KCNQ1: variants seen among roughly 807,000 people sequenced by gnomAD.
The protein encoded by KCNQ1 is potassium voltage-gated channel subfamily KQT member 1.
KCNQ1 carries 49 observed loss-of-function variants against 72.4 expected under a neutral mutation model. That is an observed-to-expected ratio of 0.68 (90% CI 0.54 to 0.86). The LOEUF (loss-of-function observed/expected upper bound fraction) is 0.86. Ranked by LOEUF, KCNQ1 falls within the 40% of genes least tolerant of loss-of-function variation. The pLI is 0.00. For missense variants in KCNQ1, 790 were observed against 945.1 expected, an observed-to-expected ratio of 0.84 and a Z score of 2.15; for synonymous variants, 450 against 412.6, an observed-to-expected ratio of 1.09 and a Z score of -1.10.
At chr11:2,454,207 A>G (rs1222095480) in intron 1 of KCNQ1, among the ~76,000 whole-genome samples, 1 of 151,970 alleles carries the variant, frequency 6.6e-6, no homozygotes, top group African/African-American at 2.4e-5. Context: ...TTAAAAGTTT[A>G]CCTCAAAAGG....
chr11:2,837,914 G>A (rs993933103), intron 15 of KCNQ1, among the ~76,000 whole-genome samples: 2 of 152,198 alleles, frequency 1.3e-5, no homozygotes, highest in South Asian at 2.1e-4. Context: ...AAAGGTTCTC[G>A]CCCAGCAAGT....
chr11:2,705,281 C>A (rs914661109), intron 11 of KCNQ1, among the ~76,000 whole-genome samples: 1 of 152,194 alleles, frequency 6.6e-6, no homozygotes, highest in Non-Finnish European at 1.5e-5. Context: ...TTCAGGCGGT[C>A]TCCATGAGTG....
At chr11:2,560,163 GGGGGTGATGTCCATCCTGGGGA>G (rs1848138131) in intron 2 of KCNQ1, among the ~76,000 whole-genome samples, 1 of 123,276 alleles carries the variant, frequency 8.1e-6, no homozygotes, top group South Asian at 3.0e-4. Flanking sequence ...GGGGAATGAG[GGGGGTGATGTCCATCCTGGGGA>G]GGGGTGACAT....
intron 15 of KCNQ1, chr11:2,840,448 A>AAAGT (rs1197441269): frequency 2.6e-5 from 4 of 152,338 alleles, no homozygotes; most frequent in Admixed American, 1.3e-4. Context: ...ATAACCTGCA[A>AAAGT]AAGTAAGTCT....
rs1035223967 is a variant in KCNQ1, at chr11:2,783,351, T to C, written c.1794+5314T>C. On this transcript the variant is annotated intron_variant, in intron 15 of 15. Transcript: ENST00000155840. This position sits in a 1 kb window ranked among gnomAD's most constrained non-coding sequence, Gnocchi z 5.2. Reference sequence around the variant, plus strand: ...TAATCCTTTAGAATGTTTTGAAATATGATTTACGGCAAAAATGTGGTCAAT... The same window carrying C: ...TAATCCTTTAGAATGTTTTGAAATACGATTTACGGCAAAAATGTGGTCAAT... Among the ~76,000 whole-genome samples, 7 of 152,134 alleles carry C rather than the reference T, an allele frequency of 4.6e-5. No individual in the cohort carries two copies. The highest frequency in any genetic ancestry group is 1.2e-4 in the African/African-American group (5 of 41,468).
At chr11:2,576,562 A>G (rs996091221) in intron 6 of KCNQ1, among the ~76,000 whole-genome samples, 1 of 152,312 alleles carries the variant, frequency 6.6e-6, no homozygotes, top group East Asian at 1.9e-4. Context: ...AATTGAAAGT[A>G]AAGAAGCTGG....
intron 7 of KCNQ1, 73 bp downstream of exon 7, chr11:2,583,618 C>G (rs1203520193): frequency 9.9e-7 from 1 of 1,012,338 alleles, no homozygotes; most frequent in East Asian, 2.4e-5. Context: ...CACGCCCCTC[C>G]CTGTGAGCAG....
In KCNQ1 at chr11:2,762,823, G is replaced by A. The variant is rs1184179850; in HGVS notation, c.1515-6021G>A. Among the ~76,000 whole-genome samples, 2 of 151,182 alleles carry A rather than the reference G, an allele frequency of 1.3e-5. No homozygotes were observed. Among genetic ancestry groups the A allele is most frequent in the South Asian group, 2.1e-4 (1 of 4,770 alleles). Reference sequence around the variant, plus strand: ...TCTCCCCCCACCCCACCCCGTCCACGGAAAAAGTGTCTTCCACGAAACTGG... The same window carrying A: ...TCTCCCCCCACCCCACCCCGTCCACAGAAAAAGTGTCTTCCACGAAACTGG... On this transcript the variant is annotated intron_variant, in intron 11 of 15. Coordinates refer to ENST00000155840, the MANE Select transcript of KCNQ1 (RefSeq NM_000218.3). The surrounding 1 kb of genome is among the most constrained non-coding windows in gnomAD (Gnocchi z 4.3).
At chr11:2,742,258 C>A (rs1022686326) in intron 11 of KCNQ1, among the ~76,000 whole-genome samples, 2 of 152,232 alleles carry the variant, frequency 1.3e-5, no homozygotes, top group African/African-American at 2.4e-5. Context: ...CCAGAATCAG[C>A]CTCTATGAGA....
rs1846470831 is a variant in KCNQ1 at position 2,471,789 on chromosome 11, T to C, written c.386+26305T>C. Reference sequence around the variant, plus strand: ...ATGGGTGTGTGCATGTGATTGGGTGTGTGCATGTGTATATAGGTGTGTGTG... The same window carrying C: ...ATGGGTGTGTGCATGTGATTGGGTGCGTGCATGTGTATATAGGTGTGTGTG... On this transcript the variant is annotated intron_variant, in intron 1 of 15. Transcript: ENST00000155840. The surrounding 1 kb of genome is among the most constrained non-coding windows in gnomAD (Gnocchi z 4.8). 6.6e-6 allele frequency among the ~76,000 whole-genome samples: 1 copy of C among 150,978 alleles called. No individual in the cohort carries two copies. Among genetic ancestry groups the C allele is most frequent in the Non-Finnish European group, 1.5e-5 (1 of 67,800 alleles).
chr11:2,756,441 TA>T (rs59499292), intron 11 of KCNQ1, among the ~76,000 whole-genome samples: 50,405 of 137,120 alleles, frequency 0.37, 8,684 homozygotes, highest in Admixed American at 0.48. Flanking sequence ...TTACTAAAAT[TA>T]AAAAAAAAAA....
chr11:2,717,893 GC>G (rs1189072050), intron 11 of KCNQ1, among the ~76,000 whole-genome samples: 7 of 152,212 alleles, frequency 4.6e-5, no homozygotes, highest in Non-Finnish European at 1.0e-4. Flanking sequence ...CCAGGTTTGA[GC>G]CCCCCGGGGT....
intron 11 of KCNQ1, among the ~76,000 whole-genome samples, chr11:2,716,674 C>T (rs752339306): frequency 1.3e-5 from 2 of 152,240 alleles, no homozygotes; most frequent in Non-Finnish European, 2.9e-5. Context: ...CCCCAAGCCC[C>T]AGAGACTCCA....
chr11:2,829,083 G>T (rs1847892911), intron 15 of KCNQ1, among the ~76,000 whole-genome samples: 3 of 152,170 alleles, frequency 2.0e-5, no homozygotes, highest in African/African-American at 7.2e-5. Context: ...GTCAAAAATT[G>T]TATCTACCAC....
At chr11:2,649,991 TA>T (rs1849732929) in intron 10 of KCNQ1, 7 of 398,498 alleles carry the variant, frequency 1.8e-5, no homozygotes, top group Non-Finnish European at 3.1e-5. Flanking sequence ...TTTTTATTGT[TA>T]TTTTTTAAAT....
Position 2,662,016 on chromosome 11 carries a change from C to A in KCNQ1, c.1449C>A (p.Asn483Lys), listed in dbSNP as rs1849966701. Residue 483 changes from asparagine (N) to lysine (K), a missense_variant, in exon 11 of 16, where the codon AAC becomes AAA. Asn to Lys is a moderately conservative substitution (Grantham distance 94, BLOSUM62 0). Transcript: ENST00000155840. ...EVSMPHFMRT[N>K]SFAEDLDLEG... ...GCATGCCCCATTTCATGAGAACCAACAGCTTCGCCGAGGACCTGGACCTGG... is the reference window on the plus strand; with the variant it reads ...GCATGCCCCATTTCATGAGAACCAAAAGCTTCGCCGAGGACCTGGACCTGG... The A allele has an allele frequency of 1.9e-6, 3 of 1,614,104 alleles. No homozygotes were observed. Among genetic ancestry groups the A allele is most frequent in the Non-Finnish European group, 2.5e-6 (3 of 1,180,048 alleles).
chr11:2,496,250 C>CA (rs1256800723), intron 1 of KCNQ1, among the ~76,000 whole-genome samples: 1 of 151,880 alleles, frequency 6.6e-6, no homozygotes, highest in African/African-American at 2.4e-5. Context: ...TCCTGGCTAA[C>CA]ACGATGAAAC....
chr11:2,670,066 A>T lies in KCNQ1; in HGVS notation c.1514+7985A>T. 2 of 398,484 alleles carry T rather than the reference A, an allele frequency of 5.0e-6. No homozygotes were observed. Among genetic ancestry groups the T allele is most frequent in the Non-Finnish European group, 8.8e-6 (2 of 226,066 alleles). 24.7% of individuals were successfully genotyped at this position (398,484 alleles called of 1,614,324 possible). On this transcript the variant is annotated intron_variant, in intron 11 of 15. Transcript: ENST00000155840. This position sits in a 1 kb window ranked among gnomAD's most constrained non-coding sequence, Gnocchi z 4.9. ...TAGCACTCACTATTCTGCTCTGGGG[A>T]GGGGGTTGGAGGCAGAATCAGTGGA...
At chr11:2,706,830 C>T (rs1326329256) in intron 11 of KCNQ1, among the ~76,000 whole-genome samples, 3 of 152,188 alleles carry the variant, frequency 2.0e-5, no homozygotes, top group African/African-American at 4.8e-5. Flanking sequence ...AACCACTCCC[C>T]GGTGCAGGTC....
Sources: allele counts gnomAD v4.1 joint callset (sites outside exome capture counted in the v4.1 genomes callset), GRCh38; gene constraint gnomAD v4.1.1; non-coding constraint Gnocchi (gnomAD v3.1); transcripts MANE v1.5; gene names NCBI Gene and HGNC (gene_info 2026-07-23, HGNC 2026-07-21).